Variants in ZRANB1 observed in about 807,000 individuals in gnomAD.
The protein encoded by ZRANB1 is zinc finger RANBP2-type containing 1, also known as ubiquitin thioesterase ZRANB1.
In ZRANB1, 16 loss-of-function variants were observed where a neutral mutation model predicts 80.5. That is an observed-to-expected ratio of 0.20 (90% CI 0.13 to 0.30). ZRANB1 has a LOEUF of 0.30. Ranked by LOEUF, ZRANB1 falls within the 10% of genes least tolerant of loss-of-function variation. The pLI, the probability that ZRANB1 is intolerant of heterozygous loss-of-function variation, is 1.00. For missense variants in ZRANB1, 576 were observed against 862.6 expected (o/e 0.67, Z 4.16); for synonymous variants, 291 against 293.1 (o/e 0.99, Z 0.07).
chr10:124,939,349 A>G (rs766629303), upstream of ZRANB1, among the ~76,000 whole-genome samples: 1 of 152,150 alleles, frequency 6.6e-6, no homozygotes, highest in Non-Finnish European at 1.5e-5. Context: ...TATAAGGCAC[A>G]TCTCAAAACT....
intron 5 of ZRANB1, among the ~76,000 whole-genome samples, chr10:124,979,227 C>G (rs1951910824): frequency 6.6e-6 from 1 of 152,184 alleles, no homozygotes; most frequent in Admixed American, 6.5e-5. Context: ...TCCCAGTTAG[C>G]TGGGATTGCA....
At chr10:124,934,808 C>G in the ZRANB1 span, among the ~76,000 whole-genome samples, 3 of 152,136 alleles carry the variant, frequency 2.0e-5, no homozygotes, top group East Asian at 5.8e-4. Flanking sequence ...CAGGGATTGT[C>G]TAAGATCCCC....
the ZRANB1 span, among the ~76,000 whole-genome samples, chr10:124,936,752 T>G: frequency 2.0e-5 from 3 of 152,232 alleles, no homozygotes; most frequent in Admixed American, 2.0e-4. Flanking sequence ...TAGTTCAAAA[T>G]TGCTTTGTAA....
the ZRANB1 span, among the ~76,000 whole-genome samples, chr10:124,917,700 A>C: frequency 6.6e-6 from 1 of 152,104 alleles, no homozygotes; most frequent in African/African-American, 2.4e-5. Flanking sequence ...CTTGTATTTC[A>C]GTCCCTCGGC....
the ZRANB1 span, chr10:124,917,136 G>A: frequency 1.2e-5 from 2 of 163,082 alleles, no homozygotes; most frequent in Non-Finnish European, 2.6e-5. Context: ...GGCGGAGAGG[G>A]GCCGGGCTCG....
At chr10:124,980,519 A>G (rs188354846) in intron 5 of ZRANB1, among the ~76,000 whole-genome samples, 8 of 152,312 alleles carry the variant, frequency 5.3e-5, no homozygotes, top group East Asian at 1.9e-4. Context: ...TTTCAAAACA[A>G]TGTATTTCAT....
intron 2 of ZRANB1, among the ~76,000 whole-genome samples, chr10:124,970,255 T>C (rs1214049318): frequency 6.6e-6 from 1 of 151,696 alleles, no homozygotes; most frequent in Admixed American, 6.6e-5. Flanking sequence ...CACGTAGGAG[T>C]TTTTAAATTT....
Position 124,985,161 on chromosome 10 carries a change from C to A in ZRANB1, c.*169C>A. The A allele has an allele frequency of 1.8e-6, 1 of 546,760 alleles. No individual in the cohort carries two copies. Among genetic ancestry groups the A allele is most frequent in the Non-Finnish European group, 3.2e-6 (1 of 311,572 alleles). The allele number at this position is 546,760 out of a possible 1,614,324, so 33.9% of individuals were successfully genotyped here. A position where few individuals can be genotyped will look rare whatever the true frequency, so the allele number is the denominator to read the frequency against. ...ACACCTTATGGAGATAATGCCTCTGCTGCGTGAGGAGACAGAGAACTTTAG... is the reference window on the plus strand; with the variant it reads ...ACACCTTATGGAGATAATGCCTCTGATGCGTGAGGAGACAGAGAACTTTAG... On this transcript the variant is annotated 3_prime_UTR_variant, in exon 9 of 9. Transcript: ENST00000359653.
At chr10:124,944,163 G>A (rs1438108760) in intron 1 of ZRANB1, among the ~76,000 whole-genome samples, 1 of 152,158 alleles carries the variant, frequency 6.6e-6, no homozygotes, top group African/African-American at 2.4e-5. Flanking sequence ...ATTCACAAAA[G>A]CAGTGACTTG....
chr10:124,941,016 AAAAC>A (rs764620899), upstream of ZRANB1, among the ~76,000 whole-genome samples: 197 of 152,110 alleles, frequency 1.3e-3, no homozygotes, highest in Middle Eastern at 0.014. Context: ...CAACAACAAA[AAAAC>A]AAACAAACAA....
chr10:124,933,302 A>C, the ZRANB1 span, among the ~76,000 whole-genome samples: 1 of 151,368 alleles, frequency 6.6e-6, no homozygotes, highest in Non-Finnish European at 1.5e-5. Context: ...ATGCCCAGCT[A>C]ATTTTTTCGT....
the ZRANB1 span, among the ~76,000 whole-genome samples, chr10:124,928,970 A>G: frequency 6.6e-6 from 1 of 152,262 alleles, no homozygotes. Context: ...AAAGGAACAG[A>G]AAGTCACTTT....
intron 1 of ZRANB1, among the ~76,000 whole-genome samples, chr10:124,963,315 G>A (rs903962341): frequency 6.7e-6 from 1 of 148,704 alleles, no homozygotes; most frequent in Non-Finnish European, 1.5e-5. Context: ...TGGAGGCATT[G>A]TGAGATGTCA....
intron 1 of ZRANB1, among the ~76,000 whole-genome samples, chr10:124,957,331 G>T (rs1229550410): frequency 6.6e-6 from 1 of 151,902 alleles, no homozygotes; most frequent in African/African-American, 2.4e-5. Flanking sequence ...ATTATTTGAG[G>T]CAGCACCTCC....
At chr10:124,968,652 A>G (rs139563102) in intron 2 of ZRANB1, among the ~76,000 whole-genome samples, 1 of 152,118 alleles carries the variant, frequency 6.6e-6, no homozygotes, top group Non-Finnish European at 1.5e-5. Context: ...AAGGGCTGTC[A>G]ATGTGGAGTT....
the ZRANB1 span, among the ~76,000 whole-genome samples, chr10:124,933,468 G>A: frequency 6.6e-6 from 1 of 152,164 alleles, no homozygotes; most frequent in Non-Finnish European, 1.5e-5. Context: ...GAAGTAGCAT[G>A]TTCATAGTTC....
intron 2 of ZRANB1, 131 bp downstream of exon 2, chr10:124,966,912 A>G (rs1203243112): frequency 1.2e-6 from 1 of 824,948 alleles, no homozygotes; most frequent in Non-Finnish European, 1.9e-6. Context: ...CCTTTTAAAA[A>G]TAACATTAAA....
intron 2 of ZRANB1, 42 bp downstream of exon 2, chr10:124,966,823 A>C (rs538279124): frequency 1.3e-6 from 2 of 1,538,444 alleles, no homozygotes. Flanking sequence ...TATATTAAAG[A>C]AACCTGTTCT....
intron 1 of ZRANB1, among the ~76,000 whole-genome samples, chr10:124,944,632 G>T (rs1053826272): frequency 6.6e-6 from 1 of 151,792 alleles, no homozygotes; most frequent in Non-Finnish European, 1.5e-5. Context: ...CTCCCCATTA[G>T]CATGTACCAC....
Sources: allele counts gnomAD v4.1 joint callset (sites outside exome capture counted in the v4.1 genomes callset), GRCh38; gene constraint gnomAD v4.1.1; transcripts MANE v1.5; gene names NCBI Gene and HGNC (gene_info 2026-07-23, HGNC 2026-07-21).